Variants in FAF1 observed in about 807,000 individuals in gnomAD.
The protein encoded by FAF1 is Fas associated factor 1.
A neutral mutation model predicts 92.5 loss-of-function variants in FAF1; 25 were observed. The observed-to-expected ratio is 0.27, with a 90% CI of 0.20 to 0.38. The LOEUF (loss-of-function observed/expected upper bound fraction) is 0.38. Among genes scored for constraint, FAF1 ranks in the 10% least tolerant of loss-of-function variants. The probability of loss-of-function intolerance (pLI) is 1.00; values close to 1 mark genes in which losing one functional copy is unlikely to be tolerated. For missense variants in FAF1, 636 were observed against 793.3 expected, an observed-to-expected ratio of 0.80 and a Z score of 2.38; for synonymous variants, 234 against 273.2, an observed-to-expected ratio of 0.86 and a Z score of 1.42.
At position 50,441,147 on chromosome 1, in the gene FAF1, T is replaced by C. The variant is rs771786745; in HGVS notation, c.*293A>G. Reference sequence around the variant, plus strand: ...CTGGAGAGGTAAAAATTCTATTTAGTGATCACTCACACTTGAACAATGCAT... The same window carrying C: ...CTGGAGAGGTAAAAATTCTATTTAGCGATCACTCACACTTGAACAATGCAT... On this transcript the variant is annotated 3_prime_UTR_variant, in exon 19 of 19. Coordinates refer to ENST00000396153, the MANE Select transcript of FAF1 (RefSeq NM_007051.3). 5.9e-5 allele frequency: 17 copies of C among 288,252 alleles called. No individual in the cohort carries two copies. Among genetic ancestry groups the C allele is most frequent in the Admixed American group, 1.0e-4 (2 of 20,058 alleles). The allele number at this position is 288,252 out of a possible 1,614,324, so 17.9% of individuals were successfully genotyped here.
At chr1:50,650,492 C>T (rs568381112) in intron 8 of FAF1, among the ~76,000 whole-genome samples, 1 of 150,414 alleles carries the variant, frequency 6.6e-6, no homozygotes, top group East Asian at 2.0e-4. Context: ...TGGTGGTATA[C>T]GCCTGTAATC....
chr1:50,777,537 A>T lies in FAF1; in HGVS notation c.367+10463T>A, dbSNP rs961268518. Among the ~76,000 whole-genome samples the T allele has an allele frequency of 9.8e-5, 15 of 152,320 alleles. No individual in the cohort carries two copies. In the East Asian group the frequency reaches 2.7e-3, roughly 27 times the overall value. On this transcript the variant is annotated intron_variant, in intron 4 of 18. Coordinates refer to ENST00000396153, the MANE Select transcript of FAF1 (RefSeq NM_007051.3). ...TCAACACTATAAAAATATTTTTTCA[A>T]GGGGACCTTAAACTGGAAAAAAATG...
At chr1:50,751,541 AC>A (rs1403298938) in intron 4 of FAF1, among the ~76,000 whole-genome samples, 1 of 152,126 alleles carries the variant, frequency 6.6e-6, no homozygotes, top group African/African-American at 2.4e-5. Flanking sequence ...ACAGGGTTTC[AC>A]CACGTTGGCC....
chr1:50,449,383 G>A (rs1646267108), intron 18 of FAF1, among the ~76,000 whole-genome samples: 1 of 151,972 alleles, frequency 6.6e-6, no homozygotes, highest in Non-Finnish European at 1.5e-5. Flanking sequence ...CATATTTATG[G>A]GCTGCATATG....
At chr1:50,452,082 T>C (rs1203484450) in intron 18 of FAF1, 2 of 1,339,016 alleles carry the variant, frequency 1.5e-6, no homozygotes, top group South Asian at 2.4e-5. Context: ...AAAACCGTCT[T>C]AGTCTAAAAA....
intron 3 of FAF1, among the ~76,000 whole-genome samples, chr1:50,788,892 C>A (rs973819901): frequency 6.6e-6 from 1 of 152,136 alleles, no homozygotes; most frequent in African/African-American, 2.4e-5. Flanking sequence ...ACAGCAGTGG[C>A]ACAATCTTGG....
At chr1:50,547,254 C>T (rs1649069137) in intron 13 of FAF1, among the ~76,000 whole-genome samples, 1 of 151,916 alleles carries the variant, frequency 6.6e-6, no homozygotes, top group African/African-American at 2.4e-5. Context: ...ATATTGTAAG[C>T]ATGTTGGAGA....
chr1:50,555,521 T>A (rs1649532642), intron 13 of FAF1, among the ~76,000 whole-genome samples: 1 of 152,116 alleles, frequency 6.6e-6, no homozygotes, highest in African/African-American at 2.4e-5. Flanking sequence ...TCAATATCAC[T>A]AATCATCAGG....
At chr1:50,954,128 T>C (rs1478093020) in intron 1 of FAF1, among the ~76,000 whole-genome samples, 2 of 152,020 alleles carry the variant, frequency 1.3e-5, no homozygotes, top group Non-Finnish European at 1.5e-5. Context: ...TTTTGTTTTT[T>C]AGTAGAGACA....
intron 7 of FAF1, among the ~76,000 whole-genome samples, chr1:50,689,358 G>A (rs1167702596): frequency 1.3e-5 from 2 of 152,158 alleles, no homozygotes; most frequent in Non-Finnish European, 2.9e-5. Flanking sequence ...GCCGAGGCGG[G>A]TGGATCACGA....
intron 7 of FAF1, among the ~76,000 whole-genome samples, chr1:50,671,335 G>A (rs555095498): frequency 6.6e-6 from 1 of 151,814 alleles, no homozygotes; most frequent in Non-Finnish European, 1.5e-5. Context: ...AAACCGGGAG[G>A]TGGAGGTTAC....
chr1:50,906,285 T>C (rs1285287526), intron 1 of FAF1, among the ~76,000 whole-genome samples: 1 of 152,230 alleles, frequency 6.6e-6, no homozygotes, highest in Non-Finnish European at 1.5e-5. Context: ...ATTGTAGCTT[T>C]GTAGTATAGT....
chr1:50,739,636 T>C (rs935801592), intron 5 of FAF1, among the ~76,000 whole-genome samples: 9 of 152,126 alleles, frequency 5.9e-5, no homozygotes, highest in African/African-American at 2.2e-4. Flanking sequence ...ATTGGCAATA[T>C]AGGTTTTCAG....
Position 50,656,841 on chromosome 1 carries a change from C to T in FAF1, c.658-1313G>A, listed in dbSNP as rs185511558. The stretch of plus-strand genomic sequence containing the variant: ...GAGGCTGCAGTGAGCTGAGATCGTG[C>T]CACTGCGCTCCAGCCTGGGCATCAG... On this transcript the variant is annotated intron_variant, in intron 7 of 18. Transcript: ENST00000396153. 1.8e-4 allele frequency among the ~76,000 whole-genome samples: 28 copies of T among 152,200 alleles called. No homozygotes were observed. The East Asian group carries it at 5.4e-3, about 29-fold the overall frequency.
intron 15 of FAF1, among the ~76,000 whole-genome samples, chr1:50,495,016 G>A (rs937994641): frequency 2.0e-5 from 3 of 151,960 alleles, no homozygotes; most frequent in Non-Finnish European, 4.4e-5. Flanking sequence ...CATATTTATG[G>A]GATATGGGAG....
intron 1 of FAF1, 76 bp from the exon 2 acceptor site, chr1:50,858,073 A>T: frequency 2.1e-6 from 2 of 972,820 alleles, no homozygotes; most frequent in Non-Finnish European, 3.1e-6. Context: ...AAATGTAAAT[A>T]GCATAATATG....
intron 2 of FAF1, among the ~76,000 whole-genome samples, chr1:50,808,221 T>A (rs779820489): frequency 6.6e-6 from 1 of 152,162 alleles, no homozygotes; most frequent in African/African-American, 2.4e-5. Flanking sequence ...TAAGGGAATT[T>A]GTTACCACTA....
chr1:50,760,648 A>T (rs1660287487), intron 4 of FAF1, among the ~76,000 whole-genome samples: 1 of 152,242 alleles, frequency 6.6e-6, no homozygotes, highest in African/African-American at 2.4e-5. Flanking sequence ...ACGAGAACAA[A>T]GACACAACAT....
Position 50,646,512 on chromosome 1 carries a change from C to T in FAF1, c.744+8930G>A, listed in dbSNP as rs184845150. On this transcript the variant is annotated intron_variant, in intron 8 of 18. Coordinates refer to ENST00000396153, the MANE Select transcript of FAF1 (RefSeq NM_007051.3). The stretch of plus-strand genomic sequence containing the variant: ...GCAATTTAAATAAATGCCTAAAACA[C>T]TCTTTGATATAAATGTGAAGACATT... Among the ~76,000 whole-genome samples the T allele has an allele frequency of 1.5e-3, 225 of 152,252 alleles. 1 individual carries two copies. The highest frequency in any genetic ancestry group is 2.5e-3 in the Admixed American group (38 of 15,280).
Sources: gnomAD v4.1 joint callset for allele counts (sites outside exome capture counted in the v4.1 genomes callset) on GRCh38, gnomAD v4.1.1 for gene constraint, MANE v1.5 for transcripts, NCBI Gene and HGNC (gene_info 2026-07-23, HGNC 2026-07-21) for gene names.